The following GLYCTK variants were observed in gnomAD, a reference collection of about 807,000 sequenced individuals.
GLYCTK encodes HBeAg binding protein 4.
Under a neutral mutation model 24.8 loss-of-function variants are expected in GLYCTK, and 22 were observed. That is an observed-to-expected ratio of 0.89 (90% CI 0.63 to 1.27). GLYCTK has a LOEUF of 1.27. GLYCTK is among the 50% of genes most tolerant of loss of function. GLYCTK has a pLI of 0.00. For synonymous variants in GLYCTK, 320 were observed against 297.2 expected (o/e 1.08, Z -0.79); for missense variants, 684 against 686.7 (o/e 1.00, Z 0.04).
At position 52,292,796 on chromosome 3, in the gene GLYCTK, G is replaced by T; in HGVS notation, c.1242G>T (p.Leu414=). The change falls in exon 5 of 5, where the codon CTG becomes CTT. Residue 414 remains leucine (L), a synonymous_variant. Coordinates refer to ENST00000436784, the MANE Select transcript of GLYCTK (RefSeq NM_145262.4). Reference sequence around the variant, plus strand: ...CTGGTGGCGAGCCCACAGTACAGCTGCAGGGCTCGGGCAGGGGTGGCCGGA... The same window carrying T: ...CTGGTGGCGAGCCCACAGTACAGCTTCAGGGCTCGGGCAGGGGTGGCCGGA... ...LLAGGEPTVQ[L]QGSGRGGRNQ... The T allele has an allele frequency of 2.5e-6, 4 of 1,611,004 alleles. No individual in the cohort carries two copies. Among genetic ancestry groups the T allele is most frequent in the Non-Finnish European group, 3.4e-6 (4 of 1,178,888 alleles).
In GLYCTK at chr3:52,290,478, G is replaced by A. The variant is rs757038332; in HGVS notation, c.136G>A (p.Val46Ile). ...EQARQLFESAVGAVLPGPMLH... is the reference protein window; with the variant it reads ...EQARQLFESAIGAVLPGPMLH... ...GGCCAGGCAGCTGTTTGAGAGTGCT[G>A]TAGGTGCAGTGCTGCCGGGCCCCAT... is the stretch of plus-strand genomic sequence containing the variant. The change falls in exon 2 of 5, where the codon GTA (valine) becomes ATA (isoleucine). Residue 46 changes from valine (V) to isoleucine (I), a missense_variant. Transcript: ENST00000436784. 1.2e-6 allele frequency: 2 copies of A among 1,613,220 alleles called. No homozygotes were observed. The highest frequency in any genetic ancestry group is 2.2e-5 in the South Asian group (2 of 91,092).
rs1700542634 is a variant in GLYCTK, at chr3:52,293,207, C to T, written c.*81C>T. 3.5e-6 allele frequency: 5 copies of T among 1,436,242 alleles called. No individual in the cohort carries two copies. In the East Asian group the frequency reaches 9.1e-5, roughly 26 times the overall value. The allele number at this position is 1,436,242 out of a possible 1,614,324, so 89.0% of individuals were successfully genotyped here. The stretch of plus-strand genomic sequence containing the variant: ...GGCAGAGCAAGGTTGGTCCTCAGGG[C>T]CTCTCTAAGCCTTAGGGCCCCTCCT... On this transcript the variant is annotated 3_prime_UTR_variant, in exon 5 of 5. Coordinates refer to ENST00000436784, the MANE Select transcript of GLYCTK (RefSeq NM_145262.4).
In GLYCTK at chr3:52,292,293, G is replaced by T; in HGVS notation, c.739G>T (p.Asp247Tyr). Residue 247 changes from aspartate to tyrosine, a missense_variant, in exon 5 of 5, where the codon GAC (aspartate) becomes TAC (tyrosine). Asp to Tyr is a radical substitution (Grantham distance 160). Coordinates refer to ENST00000436784, the MANE Select transcript of GLYCTK (RefSeq NM_145262.4). Reference protein sequence around the residue: ...VSLILSDVVGDPVEVIASGPT... With the variant: ...VSLILSDVVGYPVEVIASGPT... ...CCTCATCCTGTCAGATGTGGTGGGG[G>T]ACCCTGTGGAGGTGATTGCCAGTGG... 1.9e-6 allele frequency: 3 copies of T among 1,613,976 alleles called. No homozygotes were observed. The highest frequency in any genetic ancestry group is 2.5e-6 in the Non-Finnish European group (3 of 1,179,954).
At position 52,292,321 on chromosome 3, in the gene GLYCTK, C is replaced by T. The variant is rs758174758; in HGVS notation, c.767C>T (p.Pro256Leu). ...GDPVEVIASG[P>L]TVASSHNVQD... ...CCTGTGGAGGTGATTGCCAGTGGCC[C>T]CACCGTGGCCAGTTCCCACAATGTG... Residue 256 changes from proline (P) to leucine (L), a missense_variant, in exon 5 of 5, where the codon CCC (proline) becomes CTC (leucine). Physicochemically the swap from Pro to Leu is moderately conservative, Grantham distance 98. Transcript: ENST00000436784. 3 of 1,613,882 alleles carry T rather than the reference C, an allele frequency of 1.9e-6. No homozygotes were observed. The highest frequency in any genetic ancestry group is 2.5e-6 in the Non-Finnish European group (3 of 1,179,936).
At position 52,293,109 on chromosome 3, in the gene GLYCTK, T is replaced by C; in HGVS notation, c.1555T>C (p.Phe519Leu). Residue 519 changes from phenylalanine to leucine, a missense_variant, in exon 5 of 5, where the codon TTC (phenylalanine) becomes CTC (leucine). Physicochemically the swap from Phe to Leu is conservative, Grantham distance 22. Coordinates refer to ENST00000436784, the MANE Select transcript of GLYCTK (RefSeq NM_145262.4). ...CAATGTCATGGACACCCACCTCTTG[T>C]TCCTGCGGCCTCGGTGATGGCATAG... ...GTNVMDTHLL[F>L]LRPR The C allele has an allele frequency of 6.2e-7, 1 of 1,613,910 alleles. No homozygotes were observed. Among genetic ancestry groups the C allele is most frequent in the Non-Finnish European group, 8.5e-7 (1 of 1,180,032 alleles).
At position 52,293,381 on chromosome 3, in the gene GLYCTK, T is replaced by A; in HGVS notation, c.*255T>A. 1 of 681,192 alleles carries A rather than the reference T, an allele frequency of 1.5e-6. No homozygotes were observed. 42.2% of individuals were successfully genotyped at this position (681,192 alleles called of 1,614,324 possible). A position where few individuals can be genotyped will look rare whatever the true frequency, so the allele number is the denominator to read the frequency against. On this transcript the variant is annotated 3_prime_UTR_variant, in exon 5 of 5. Coordinates refer to ENST00000436784, the MANE Select transcript of GLYCTK (RefSeq NM_145262.4). ...CCCCTCGGCCAGTTCAGCGTTCCCG[T>A]GCTTCTCCCTTGGGCAGCCTCTCTC...
intron 1 of GLYCTK, 59 bp downstream of exon 1, chr3:52,287,935 T>C: frequency 2.4e-6 from 1 of 411,038 alleles, no homozygotes; most frequent in Non-Finnish European, 5.0e-6. Context: ...GGCTGGGCGA[T>C]GACGGGTCCT....
chr3:52,290,128 A>C lies in GLYCTK; in HGVS notation c.-39-176A>C, dbSNP rs1700412311. 3 of 602,774 alleles carry C rather than the reference A, an allele frequency of 5.0e-6. No homozygotes were observed. In the East Asian group the frequency reaches 8.4e-5, roughly 17 times the overall value. The allele number at this position is 602,774 out of a possible 1,614,324, so 37.3% of individuals were successfully genotyped here. On this transcript the variant is annotated intron_variant, in intron 1 of 4. Transcript: ENST00000436784. Reference sequence around the variant, plus strand: ...GGCTGGGTGGCAGGGCTGGTCTCCAAGGACGAGTAAGATCCTGCAGCTGCA... The same window carrying C: ...GGCTGGGTGGCAGGGCTGGTCTCCACGGACGAGTAAGATCCTGCAGCTGCA...
Position 52,293,585 on chromosome 3 carries a change from C to G in GLYCTK, c.*459C>G. 2.2e-6 allele frequency: 1 copy of G among 457,650 alleles called. No homozygotes were observed. The allele number at this position is 457,650 out of a possible 1,614,324, so 28.3% of individuals were successfully genotyped here. A position where few individuals can be genotyped will look rare whatever the true frequency, so the allele number is the denominator to read the frequency against. ...GGGCCTGGCAGGACTCTTAACACCCCTCTACTGGGCTGGGTACGTGCAGGA... is the reference window on the plus strand; with the variant it reads ...GGGCCTGGCAGGACTCTTAACACCCGTCTACTGGGCTGGGTACGTGCAGGA... On this transcript the variant is annotated 3_prime_UTR_variant, in exon 5 of 5. Transcript: ENST00000436784.
chr3:52,294,013 G>A lies in GLYCTK; in HGVS notation c.*887G>A, dbSNP rs1700568931. 2.4e-6 allele frequency: 1 copy of A among 424,396 alleles called. No homozygotes were observed. Among genetic ancestry groups the A allele is most frequent in the Non-Finnish European group, 4.8e-6 (1 of 208,244 alleles). 26.3% of individuals were successfully genotyped at this position (424,396 alleles called of 1,614,324 possible). A position where few individuals can be genotyped will look rare whatever the true frequency, so the allele number is the denominator to read the frequency against. On this transcript the variant is annotated 3_prime_UTR_variant, in exon 5 of 5. Transcript: ENST00000436784. Reference sequence around the variant, plus strand: ...ACCCTGAAGTCAGCCCTTCAGTGGGGGTCCCAGCACTGGGATGGTGGGTCC... The same window carrying A: ...ACCCTGAAGTCAGCCCTTCAGTGGGAGTCCCAGCACTGGGATGGTGGGTCC...
At chr3:52,289,534 C>T (rs1700393917) in intron 1 of GLYCTK, among the ~76,000 whole-genome samples, 1 of 152,208 alleles carries the variant, frequency 6.6e-6, no homozygotes, top group South Asian at 2.1e-4. Context: ...AGAAGGGCAT[C>T]CTTTTCTGTC....
In GLYCTK at chr3:52,293,957, C is replaced by T. The variant is rs1481634487; in HGVS notation, c.*831C>T. The T allele has an allele frequency of 2.2e-6, 1 of 447,982 alleles. No homozygotes were observed. The highest frequency in any genetic ancestry group is 2.4e-5 in the Admixed American group (1 of 42,336). 27.8% of individuals were successfully genotyped at this position (447,982 alleles called of 1,614,324 possible). A position where few individuals can be genotyped will look rare whatever the true frequency, so the allele number is the denominator to read the frequency against. On this transcript the variant is annotated 3_prime_UTR_variant, in exon 5 of 5. Coordinates refer to ENST00000436784, the MANE Select transcript of GLYCTK (RefSeq NM_145262.4). The stretch of plus-strand genomic sequence containing the variant: ...GTCCTAGGCTGAACATCCCTAGTTC[C>T]TTCAGCCACTCCTCTGGGGACCAAG...
intron 1 of GLYCTK, among the ~76,000 whole-genome samples, chr3:52,289,866 G>A (rs575214778): frequency 2.4e-4 from 37 of 152,340 alleles, no homozygotes; most frequent in Non-Finnish European, 5.0e-4. Flanking sequence ...CAGCAGAGGT[G>A]GTAAAGAGGC....
chr3:52,291,602 C>T lies in GLYCTK; in HGVS notation c.530-145C>T, dbSNP rs545473498. 8.1e-6 allele frequency: 6 copies of T among 736,346 alleles called. No individual in the cohort carries two copies. The East Asian group carries it at 1.6e-4, about 20-fold the overall frequency. The allele number at this position is 736,346 out of a possible 1,614,324, so 45.6% of individuals were successfully genotyped here. A position where few individuals can be genotyped will look rare whatever the true frequency, so the allele number is the denominator to read the frequency against. ...ACCTCAGGTGGCCAGGATGTGGTGACTGTACACATATTGCATATCCACAGG... is the reference window on the plus strand; with the variant it reads ...ACCTCAGGTGGCCAGGATGTGGTGATTGTACACATATTGCATATCCACAGG... On this transcript the variant is annotated intron_variant, in intron 3 of 4. Coordinates refer to ENST00000436784, the MANE Select transcript of GLYCTK (RefSeq NM_145262.4).
In GLYCTK at chr3:52,293,879, G is replaced by A. The variant is rs1700565330; in HGVS notation, c.*753G>A. The A allele has an allele frequency of 2.2e-6, 1 of 453,988 alleles. No homozygotes were observed. Among genetic ancestry groups the A allele is most frequent in the Admixed American group, 2.4e-5 (1 of 42,538 alleles). 28.1% of individuals were successfully genotyped at this position (453,988 alleles called of 1,614,324 possible). On this transcript the variant is annotated 3_prime_UTR_variant, in exon 5 of 5. Coordinates refer to ENST00000436784, the MANE Select transcript of GLYCTK (RefSeq NM_145262.4). ...CCCTTAGCCACATACTGCACTTCTG[G>A]TTGAGCTGAAGTTTGTCCCACCCCC... is the stretch of plus-strand genomic sequence containing the variant.
chr3:52,290,518 T>G lies in GLYCTK; in HGVS notation c.176T>G (p.Leu59Arg). 6.2e-7 allele frequency: 1 copy of G among 1,613,550 alleles called. No individual in the cohort carries two copies. Among genetic ancestry groups the G allele is most frequent in the Non-Finnish European group, 8.5e-7 (1 of 1,180,016 alleles). The change falls in exon 2 of 5, where the codon CTA becomes CGA. Residue 59 changes from leucine to arginine, a missense_variant. Physicochemically the swap from Leu to Arg is moderately radical, Grantham distance 102 (BLOSUM62 -2). Coordinates refer to ENST00000436784, the MANE Select transcript of GLYCTK (RefSeq NM_145262.4). ...CCGGGCCCCATGCTGCACCGGGCACTATCCTTGGACCCTGGTGGCAGACAG... is the reference window on the plus strand; with the variant it reads ...CCGGGCCCCATGCTGCACCGGGCACGATCCTTGGACCCTGGTGGCAGACAG... ...VLPGPMLHRA[L>R]SLDPGGRQLK...
chr3:52,290,731 T>C lies in GLYCTK; in HGVS notation c.377+12T>C. The C allele has an allele frequency of 1.2e-6, 2 of 1,608,188 alleles. No homozygotes were observed. The highest frequency in any genetic ancestry group is 1.7e-4 in the Middle Eastern group (1 of 6,046). On this transcript the variant is annotated intron_variant, in intron 2 of 4. Transcript: ENST00000436784. ...CGTGCCGGCAAGCAGTAAGGAGCCA[T>C]GGGGGCCTGCCTCCCTCTATCTATC... is the stretch of plus-strand genomic sequence containing the variant.
In GLYCTK at chr3:52,293,036, C is replaced by T. The variant is rs1387650548; in HGVS notation, c.1482C>T (p.Cys494=). ...ACAATGACTCACATACCTTCTTCTG[C>T]TGCCTCCAGGGTGGGGCACACCTGC... The part of the protein sequence containing the change: ...LAHNDSHTFF[C]CLQGGAHLLH... The change falls in exon 5 of 5, where the codon TGC becomes TGT. Residue 494 remains cysteine, a synonymous_variant. Coordinates refer to ENST00000436784, the MANE Select transcript of GLYCTK (RefSeq NM_145262.4). 1 of 1,614,172 alleles carries T rather than the reference C, an allele frequency of 6.2e-7. No individual in the cohort carries two copies. The highest frequency in any genetic ancestry group is 1.1e-5 in the South Asian group (1 of 91,088).
chr3:52,293,235 C>T lies in GLYCTK; in HGVS notation c.*109C>T, dbSNP rs768970076. ...CTCTAAGCCTTAGGGCCCCTCCTCT[C>T]CTTGGCCTTGGCTGTTTGGTTAACT... is the stretch of plus-strand genomic sequence containing the variant. On this transcript the variant is annotated 3_prime_UTR_variant, in exon 5 of 5. Transcript: ENST00000436784. 29 of 1,094,954 alleles carry T rather than the reference C, an allele frequency of 2.6e-5. No homozygotes were observed. The highest frequency in any genetic ancestry group is 1.2e-4 in the Admixed American group (6 of 52,066). The allele number at this position is 1,094,954 out of a possible 1,614,324, so 67.8% of individuals were successfully genotyped here.
Sources: gnomAD v4.1 joint callset for allele counts (sites outside exome capture counted in the v4.1 genomes callset) on GRCh38, gnomAD v4.1.1 for gene constraint, MANE v1.5 for transcripts, NCBI Gene and HGNC (gene_info 2026-07-23, HGNC 2026-07-21) for gene names.